MYO6: variants seen among roughly 807,000 people sequenced by gnomAD.
The protein encoded by MYO6 is myosin VI.
A neutral mutation model predicts 178.7 loss-of-function variants in MYO6; 74 were observed. The ratio of observed to expected loss-of-function variants is 0.41; its 90% CI spans 0.34 to 0.50. The LOEUF (loss-of-function observed/expected upper bound fraction) is 0.50, where lower values mean the gene tolerates loss of function less well. Among genes scored for constraint, MYO6 ranks in the 20% least tolerant of loss-of-function variants. MYO6 has a pLI of 0.09. For missense variants in MYO6, 1,330 were observed against 1,547.4 expected (o/e 0.86, Z 2.36); for synonymous variants, 477 against 504.6 (o/e 0.95, Z 0.73).
At chr6:75,868,362 G>T (rs1040164519) in intron 18 of MYO6, among the ~76,000 whole-genome samples, 1 of 151,606 alleles carries the variant, frequency 6.6e-6, no homozygotes, top group African/African-American at 2.4e-5. Context: ...TAGCAGATTG[G>T]TTTAAAAATA....
intron 15 of MYO6, among the ~76,000 whole-genome samples, 189 bp from the exon 16 acceptor site, chr6:75,862,406 CT>C: frequency 6.6e-6 from 1 of 152,244 alleles, no homozygotes; most frequent in Non-Finnish European, 1.5e-5. Context: ...TATACTGTTA[CT>C]TTTTTATAAA....
chr6:75,844,298 G>A (rs1196846154), intron 9 of MYO6, among the ~76,000 whole-genome samples: 4 of 151,992 alleles, frequency 2.6e-5, no homozygotes, highest in African/African-American at 9.7e-5. Context: ...AAAGCCTTTG[G>A]TAAGTGAAGT....
chr6:75,904,312 C>T (rs1188847087), intron 30 of MYO6, among the ~76,000 whole-genome samples: 2 of 151,322 alleles, frequency 1.3e-5, no homozygotes, highest in African/African-American at 2.4e-5. Context: ...GGATAATATC[C>T]TGCAGAGTGT....
At chr6:75,862,489 A>G (rs147618927) in intron 15 of MYO6, 107 bp from the exon 16 acceptor site, 20 of 970,762 alleles carry the variant, frequency 2.1e-5, no homozygotes, top group East Asian at 1.3e-4. Flanking sequence ...ATCACATGCT[A>G]TGTTGTTTCT....
At chr6:75,904,599 C>G (rs570441129) in intron 30 of MYO6, among the ~76,000 whole-genome samples, 33 of 152,294 alleles carry the variant, frequency 2.2e-4, no homozygotes, top group African/African-American at 7.9e-4. Context: ...AAGCACTTCT[C>G]TGTATTGGTT....
intron 4 of MYO6, 111 bp from the exon 5 acceptor site, chr6:75,830,305 A>T (rs1772950655): frequency 1.1e-6 from 1 of 932,484 alleles, no homozygotes; most frequent in African/African-American, 1.7e-5. Flanking sequence ...TGGGAGTCTT[A>T]GTTATATAGA....
intron 20 of MYO6, among the ~76,000 whole-genome samples, chr6:75,876,306 T>C (rs944715462): frequency 4.5e-4 from 68 of 152,158 alleles, no homozygotes; most frequent in African/African-American, 1.4e-3. Flanking sequence ...ATAAGCCCCA[T>C]GAGGGTGGGA....
intron 1 of MYO6, among the ~76,000 whole-genome samples, chr6:75,775,442 C>T (rs1766287227): frequency 6.6e-6 from 1 of 152,192 alleles, no homozygotes; most frequent in Non-Finnish European, 1.5e-5. Flanking sequence ...GCATTGGCAA[C>T]TGTCCAAATT....
At chr6:75,909,808 G>A (rs1780626800) in intron 32 of MYO6, among the ~76,000 whole-genome samples, 1 of 152,030 alleles carries the variant, frequency 6.6e-6, no homozygotes, top group African/African-American at 2.4e-5. Context: ...AGCAATGCAG[G>A]ACCCAAATTG....
chr6:75,796,999 G>A (rs1011592461), intron 1 of MYO6, among the ~76,000 whole-genome samples: 20 of 152,154 alleles, frequency 1.3e-4, no homozygotes, highest in African/African-American at 3.9e-4. Flanking sequence ...TATGGACACC[G>A]AGGTTGATTC....
chr6:75,874,907 C>G (rs1041207495), intron 20 of MYO6, among the ~76,000 whole-genome samples: 4 of 152,222 alleles, frequency 2.6e-5, no homozygotes, highest in Non-Finnish European at 4.4e-5. Context: ...GCAAATGTCC[C>G]TTTTGCAGTC....
chr6:75,890,330 TG>T (rs1778806791), intron 26 of MYO6, 65 bp downstream of exon 26: 1 of 1,599,326 alleles, frequency 6.3e-7, no homozygotes, highest in Non-Finnish European at 8.5e-7. Context: ...GTATTGACAG[TG>T]GTTAATGACA....
rs1236560314 is a variant in MYO6 at position 75,914,075 on chromosome 6, C to G, written c.3452C>G (p.Pro1151Arg). The change falls in exon 34 of 35, where the codon CCA (proline) becomes CGA (arginine). Residue 1151 changes from proline to arginine, a missense_variant. Pro to Arg is a moderately radical substitution (Grantham distance 103, BLOSUM62 -2). Transcript: ENST00000369977. ...TTCTGTGTAATAGCTCAGCAAAACCCAGCAGCTCAGATTCCTGCCAGGCAG... is the reference window on the plus strand; with the variant it reads ...TTCTGTGTAATAGCTCAGCAAAACCGAGCAGCTCAGATTCCTGCCAGGCAG... ...PFLNNSPQQN[P>R]AAQIPARQRE... 1 of 1,614,042 alleles carries G rather than the reference C, an allele frequency of 6.2e-7. No individual in the cohort carries two copies. The highest frequency in any genetic ancestry group is 1.7e-5 in the Admixed American group (1 of 60,010).
intron 18 of MYO6, among the ~76,000 whole-genome samples, chr6:75,869,914 C>T (rs372223188): frequency 7.9e-5 from 12 of 151,272 alleles, no homozygotes; most frequent in African/African-American, 2.9e-4. Flanking sequence ...GAGATCGAGA[C>T]CATCCTGGCT....
chr6:75,893,904 A>T (rs967137737), intron 28 of MYO6, among the ~76,000 whole-genome samples: 2 of 152,226 alleles, frequency 1.3e-5, no homozygotes, highest in Non-Finnish European at 2.9e-5. Context: ...GACTCAGCTC[A>T]GCTGCTGTTC....
In MYO6 at chr6:75,918,214, TGA is replaced by T. The variant is rs1781226359; in HGVS notation, c.*3206_*3207del. ...TATCATTACCAATAATAACAAGTATTGAGAGTTTTAAAATTTCTCCCAGAAGA... is the reference window on the plus strand; with the variant it reads ...TATCATTACCAATAATAACAAGTATTGAGTTTTAAAATTTCTCCCAGAAGA... On this transcript the variant is annotated 3_prime_UTR_variant, in exon 35 of 35. Coordinates refer to ENST00000369977, the MANE Select transcript of MYO6 (RefSeq NM_004999.4). 1 of 152,094 alleles carries T rather than the reference TGA, an allele frequency of 6.6e-6. No individual in the cohort carries two copies. The highest frequency in any genetic ancestry group is 6.5e-5 in the Admixed American group (1 of 15,274). 9.4% of individuals were successfully genotyped at this position (152,094 alleles called of 1,614,324 possible).
At chr6:75,822,455 T>TA (rs939865677) in intron 2 of MYO6, among the ~76,000 whole-genome samples, 2 of 152,180 alleles carry the variant, frequency 1.3e-5, no homozygotes, top group Admixed American at 6.5e-5. Context: ...ACATTTTATT[T>TA]AAAAAAATTT....
chr6:75,836,020 G>C (rs887960848), intron 7 of MYO6, 64 bp downstream of exon 7: 1 of 1,081,690 alleles, frequency 9.2e-7, no homozygotes, highest in African/African-American at 1.5e-5. Flanking sequence ...TCTTTTAGTG[G>C]TCTGGAATGT....
At chr6:75,884,299 T>C (rs1331493864) in intron 23 of MYO6, among the ~76,000 whole-genome samples, 1 of 152,244 alleles carries the variant, frequency 6.6e-6, no homozygotes, top group Non-Finnish European at 1.5e-5. Flanking sequence ...AGTATGTTCA[T>C]TGTGAACCTC....
Sources: gnomAD v4.1 joint callset for allele counts (sites outside exome capture counted in the v4.1 genomes callset) on GRCh38, gnomAD v4.1.1 for gene constraint, MANE v1.5 for transcripts, NCBI Gene and HGNC (gene_info 2026-07-23, HGNC 2026-07-21) for gene names.